Variants in DERA observed in about 807,000 individuals in gnomAD.
DERA encodes 2-deoxy-D-ribose 5-phosphate aldolase.
DERA carries 15 observed loss-of-function variants against 41.1 expected under a neutral mutation model. The ratio of observed to expected loss-of-function variants is 0.37; its 90% CI spans 0.24 to 0.56. DERA has a LOEUF of 0.56. DERA is among the 20% of genes least tolerant of loss of function. The pLI, the probability that DERA is intolerant of heterozygous loss-of-function variation, is 0.81. For missense variants in DERA, 396 were observed against 403.4 expected, an observed-to-expected ratio of 0.98 and a Z score of 0.16; for synonymous variants, 139 against 137.4, an observed-to-expected ratio of 1.01 and a Z score of -0.08.
chr12:15,981,003 C>T lies in DERA; in HGVS notation c.509-1305C>T, dbSNP rs1304222154. 6.6e-6 allele frequency among the ~76,000 whole-genome samples: 1 copy of T among 152,042 alleles called. No individual in the cohort carries two copies. The highest frequency in any genetic ancestry group is 1.5e-5 in the Non-Finnish European group (1 of 68,014). Reference sequence around the variant, plus strand: ...AGCTTTAAGAAATGCTTACCCCAACCCTTATTATGAATGTTTCCCTCCTGC... The same window carrying T: ...AGCTTTAAGAAATGCTTACCCCAACTCTTATTATGAATGTTTCCCTCCTGC... On this transcript the variant is annotated intron_variant, in intron 5 of 8. Coordinates refer to ENST00000428559, the MANE Select transcript of DERA (RefSeq NM_015954.4). The surrounding 1 kb of genome is among the most constrained non-coding windows in gnomAD (Gnocchi z 6.1).
At chr12:15,917,757 G>A (rs1004281370) in intron 1 of DERA, among the ~76,000 whole-genome samples, 3 of 152,284 alleles carry the variant, frequency 2.0e-5, no homozygotes, top group Non-Finnish European at 2.9e-5. Flanking sequence ...TGGGGTAGGG[G>A]TGGGTGTTTC....
chr12:15,966,063 TTC>T lies in DERA; in HGVS notation c.508+3118_508+3119del, dbSNP rs1250015948. ...CCTTCATCCCCAGCAACGTCCTCCT[TTC>T]TTCTCTTCCCTTCATGACTAAAATT... On this transcript the variant is annotated intron_variant, in intron 5 of 8. Transcript: ENST00000428559. This position sits in a 1 kb window ranked among gnomAD's most constrained non-coding sequence, Gnocchi z 5.1. Among the ~76,000 whole-genome samples, 1 of 152,164 alleles carries T rather than the reference TTC, an allele frequency of 6.6e-6. No homozygotes were observed. Among genetic ancestry groups the T allele is most frequent in the Non-Finnish European group, 1.5e-5 (1 of 68,042 alleles).
In DERA at chr12:15,995,472, T is replaced by C. The variant is rs1948830694; in HGVS notation, c.637+13036T>C. On this transcript the variant is annotated intron_variant, in intron 6 of 8. Transcript: ENST00000428559. The surrounding 1 kb of genome is among the most constrained non-coding windows in gnomAD (Gnocchi z 5.1). ...TGTTGATGTCCCTGTAGTGATGCAC[T>C]TAGAAAATTAACCAGGGTTGTGATA... is the stretch of plus-strand genomic sequence containing the variant. 6.6e-6 allele frequency among the ~76,000 whole-genome samples: 1 copy of C among 152,150 alleles called. No homozygotes were observed. Among genetic ancestry groups the C allele is most frequent in the Admixed American group, 6.5e-5 (1 of 15,292 alleles).
At position 15,936,886 on chromosome 12, in the gene DERA, T is replaced by TTGTCTTGTCCTGTCC. The variant is rs1351383547; in HGVS notation, c.32-20046_32-20045insTTGTCCTGTCCTGTC. ...TTGTCTTGTCTTGTCTTGTCTTGTC[T>TTGTCTTGTCCTGTCC]TGTCCTGTCCTGTCCTGTCCTGTCC... is the stretch of plus-strand genomic sequence containing the variant. On this transcript the variant is annotated intron_variant, in intron 1 of 8. Coordinates refer to ENST00000428559, the MANE Select transcript of DERA (RefSeq NM_015954.4). The surrounding 1 kb of genome is among the most constrained non-coding windows in gnomAD (Gnocchi z 4.6). Among the ~76,000 whole-genome samples, 284 of 136,894 alleles carry TTGTCTTGTCCTGTCC rather than the reference T, an allele frequency of 2.1e-3. No individual in the cohort carries two copies. The highest frequency in any genetic ancestry group is 0.011 in the South Asian group (48 of 4,516). The allele number at this position is 136,894 out of a possible 152,430, so 89.8% of individuals were successfully genotyped here. A position where few individuals can be genotyped will look rare whatever the true frequency, so the allele number is the denominator to read the frequency against.
chr12:16,018,202 T>G (rs1057391602), intron 6 of DERA, among the ~76,000 whole-genome samples: 7 of 152,314 alleles, frequency 4.6e-5, no homozygotes, highest in Admixed American at 1.3e-4. Flanking sequence ...GTTTTTAATC[T>G]CTTCTTGTTT....
chr12:16,033,850 C>T lies in DERA; in HGVS notation c.750+1196C>T, dbSNP rs566596430. Among the ~76,000 whole-genome samples, 12 of 152,214 alleles carry T rather than the reference C, an allele frequency of 7.9e-5. 1 individual carries two copies. In the South Asian group the frequency reaches 2.5e-3, roughly 32 times the overall value. ...AATTTTCTCACTTAAAATAACTTCACATCTTAATTACGAATAGGATAAATA... is the reference window on the plus strand; with the variant it reads ...AATTTTCTCACTTAAAATAACTTCATATCTTAATTACGAATAGGATAAATA... On this transcript the variant is annotated intron_variant, in intron 7 of 8. Coordinates refer to ENST00000428559, the MANE Select transcript of DERA (RefSeq NM_015954.4).
intron 6 of DERA, among the ~76,000 whole-genome samples, chr12:16,007,702 G>A (rs4764240): frequency 0.52 from 79,466 of 151,970 alleles, 23,728 homozygotes; most frequent in Non-Finnish European, 0.68. Flanking sequence ...CAGGCACATA[G>A]AAAAATTTCT....
chr12:15,927,808 C>G (rs376756889), intron 1 of DERA, among the ~76,000 whole-genome samples: 2 of 152,012 alleles, frequency 1.3e-5, no homozygotes, highest in South Asian at 4.2e-4. Context: ...AATTATCTGT[C>G]TTTTTTAAAA....
Position 16,003,606 on chromosome 12 carries a change from G to A in DERA, c.637+21170G>A, listed in dbSNP as rs1466050674. Among the ~76,000 whole-genome samples the A allele has an allele frequency of 6.6e-6, 1 of 152,174 alleles. No homozygotes were observed. The highest frequency in any genetic ancestry group is 1.9e-4 in the East Asian group (1 of 5,192). On this transcript the variant is annotated intron_variant, in intron 6 of 8. Transcript: ENST00000428559. The surrounding 1 kb of genome is among the most constrained non-coding windows in gnomAD (Gnocchi z 4.8). Reference sequence around the variant, plus strand: ...GGCTAGATGCCAACTAAAAACAACTGCTGGGGGCAGTGGAGAGGGAAGTAG... The same window carrying A: ...GGCTAGATGCCAACTAAAAACAACTACTGGGGGCAGTGGAGAGGGAAGTAG...
In DERA at chr12:15,993,468, T is replaced by G. The variant is rs1948815414; in HGVS notation, c.637+11032T>G. ...TCCAGATGGCACATCTAGACTCCTG[T>G]GGTGTTGTGGCCTTTTTTTTTTTTT... On this transcript the variant is annotated intron_variant, in intron 6 of 8. Coordinates refer to ENST00000428559, the MANE Select transcript of DERA (RefSeq NM_015954.4). The surrounding 1 kb of genome is among the most constrained non-coding windows in gnomAD (Gnocchi z 4.4). Among the ~76,000 whole-genome samples the G allele has an allele frequency of 6.6e-6, 1 of 151,098 alleles. No homozygotes were observed. Among genetic ancestry groups the G allele is most frequent in the Non-Finnish European group, 1.5e-5 (1 of 67,788 alleles).
intron 6 of DERA, among the ~76,000 whole-genome samples, chr12:16,015,330 G>A (rs1480765828): frequency 6.6e-6 from 1 of 152,194 alleles, no homozygotes; most frequent in East Asian, 1.9e-4. Flanking sequence ...AGACCAGGTG[G>A]AGGTAATTGA....
rs1948385825 is a variant in DERA at position 15,938,281 on chromosome 12, T to G, written c.32-18655T>G. On this transcript the variant is annotated intron_variant, in intron 1 of 8. Coordinates refer to ENST00000428559, the MANE Select transcript of DERA (RefSeq NM_015954.4). The surrounding 1 kb of genome is among the most constrained non-coding windows in gnomAD (Gnocchi z 4.1). ...CAGCAAAAGGGAGCACTAAAAATAC[T>G]TAAAATTATATAATTAAAAATATTG... is the stretch of plus-strand genomic sequence containing the variant. Among the ~76,000 whole-genome samples the G allele has an allele frequency of 6.6e-6, 1 of 152,216 alleles. No individual in the cohort carries two copies. Among genetic ancestry groups the G allele is most frequent in the Non-Finnish European group, 1.5e-5 (1 of 68,024 alleles).
chr12:15,988,522 G>A lies in DERA; in HGVS notation c.637+6086G>A, dbSNP rs958867533. Among the ~76,000 whole-genome samples, 6 of 152,188 alleles carry A rather than the reference G, an allele frequency of 3.9e-5. 1 individual carries two copies. The highest frequency in any genetic ancestry group is 7.3e-5 in the Non-Finnish European group (5 of 68,036). ...TCCCTGTGAGTGTGTGAGTCTGACT[G>A]AGTCTGAGGTTTTTATATGCTCAGA... On this transcript the variant is annotated intron_variant, in intron 6 of 8. Transcript: ENST00000428559. The surrounding 1 kb of genome is among the most constrained non-coding windows in gnomAD (Gnocchi z 6.0).
intron 6 of DERA, among the ~76,000 whole-genome samples, chr12:16,005,750 C>T (rs1010453913): frequency 6.6e-6 from 1 of 152,164 alleles, no homozygotes; most frequent in African/African-American, 2.4e-5. Context: ...TTAAGTATGG[C>T]TAAGTTCTTC....
rs2136177786 is a variant in DERA, at chr12:16,008,551, T to C, written c.638-23991T>C. 6.6e-6 allele frequency among the ~76,000 whole-genome samples: 1 copy of C among 152,360 alleles called. No homozygotes were observed. The highest frequency in any genetic ancestry group is 1.5e-5 in the Non-Finnish European group (1 of 68,028). On this transcript the variant is annotated intron_variant, in intron 6 of 8. Coordinates refer to ENST00000428559, the MANE Select transcript of DERA (RefSeq NM_015954.4). The surrounding 1 kb of genome is among the most constrained non-coding windows in gnomAD (Gnocchi z 4.8). ...AACTAATGTAGGATATATTTGGATG[T>C]CCAGGTCAGCAGAGTGAAAGTAAAC...
chr12:15,924,803 A>G lies in DERA; in HGVS notation c.31+13389A>G, dbSNP rs999448598. On this transcript the variant is annotated intron_variant, in intron 1 of 8. Transcript: ENST00000428559. The surrounding 1 kb of genome is among the most constrained non-coding windows in gnomAD (Gnocchi z 5.0). The stretch of plus-strand genomic sequence containing the variant: ...CTTGGTCTCCTCTGCTAGACTTTTC[A>G]ACACTGATCTGCTAAGATACTTTGC... Among the ~76,000 whole-genome samples, 28 of 152,168 alleles carry G rather than the reference A, an allele frequency of 1.8e-4. No individual in the cohort carries two copies. Among genetic ancestry groups the G allele is most frequent in the Non-Finnish European group, 2.9e-4 (20 of 68,016 alleles).
intron 1 of DERA, among the ~76,000 whole-genome samples, chr12:15,912,020 CTTTT>C (rs11354779): frequency 7.5e-6 from 1 of 134,172 alleles, no homozygotes; most frequent in Non-Finnish European, 1.6e-5. Context: ...GTTCAGATTT[CTTTT>C]TTTTTTTTTT....
intron 1 of DERA, among the ~76,000 whole-genome samples, chr12:15,953,153 C>T (rs577828266): frequency 6.6e-6 from 1 of 152,306 alleles, no homozygotes; most frequent in South Asian, 2.1e-4. Context: ...GAAATCTCCA[C>T]TTATCCATTA....
intron 1 of DERA, among the ~76,000 whole-genome samples, chr12:15,945,550 G>T (rs749061226): frequency 2.1e-4 from 32 of 152,054 alleles, no homozygotes; most frequent in Non-Finnish European, 2.4e-4. Context: ...TGTATAAGAA[G>T]GCTTGTGATT....
Sources: gnomAD v4.1 joint callset for allele counts (sites outside exome capture counted in the v4.1 genomes callset) on GRCh38, gnomAD v4.1.1 for gene constraint, Gnocchi (gnomAD v3.1) non-coding constraint, MANE v1.5 for transcripts, NCBI Gene and HGNC (gene_info 2026-07-23, HGNC 2026-07-21) for gene names.